GLIS3: variants seen among roughly 807,000 people sequenced by gnomAD.
The protein encoded by GLIS3 is GLIS family zinc finger 3, also known as zinc finger protein GLIS3.
GLIS3 carries 53 observed loss-of-function variants against 78.6 expected under a neutral mutation model. The ratio of observed to expected loss-of-function variants is 0.67; its 90% CI spans 0.54 to 0.85. The LOEUF (loss-of-function observed/expected upper bound fraction) is 0.85, where lower values mean the gene tolerates loss of function less well. Ranked by LOEUF, GLIS3 falls within the 40% of genes least tolerant of loss-of-function variation. GLIS3 has a pLI of 0.00. For missense variants in GLIS3, 1,703 were observed against 1,231.1 expected (o/e 1.38, Z -5.74); for synonymous variants, 684 against 509.9 (o/e 1.34, Z -4.60).
chr9:4,490,437 G>C, the GLIS3 span: 1 of 277,896 alleles, frequency 3.6e-6, no homozygotes, highest in Non-Finnish European at 6.6e-6. Flanking sequence ...AGAGCGCGGC[G>C]GCAGCAGGAG....
At chr9:4,278,442 C>A (rs1249527397) in intron 2 of GLIS3, among the ~76,000 whole-genome samples, 1 of 152,136 alleles carries the variant, frequency 6.6e-6, no homozygotes, top group African/African-American at 2.4e-5. Context: ...GTCATAAAGA[C>A]ACAAGAATTG....
rs369552895 is a variant in GLIS3, at chr9:3,828,267, A to G, written c.*5T>C. On this transcript the variant is annotated 3_prime_UTR_variant, in exon 11 of 11. Transcript: ENST00000381971. ...CTGGGTGTGCAGGAGTGGCCAAGAG[A>G]GCTTTTAGCCTTCGGTGTAGACAGA... The G allele has an allele frequency of 2.9e-5, 46 of 1,613,926 alleles. No homozygotes were observed. The African/African-American group carries it at 5.1e-4, about 18-fold the overall frequency.
At chr9:4,060,681 G>A (rs968886653) in intron 4 of GLIS3, among the ~76,000 whole-genome samples, 1 of 152,172 alleles carries the variant, frequency 6.6e-6, no homozygotes, top group Admixed American at 6.5e-5. Context: ...CCACCAACAA[G>A]AAGGCCTTCA....
At chr9:4,161,511 T>C (rs1030544798) in intron 2 of GLIS3, among the ~76,000 whole-genome samples, 10 of 152,096 alleles carry the variant, frequency 6.6e-5, no homozygotes, top group Admixed American at 3.9e-4. Context: ...TTAGTCAGTG[T>C]CTACTTGTCT....
chr9:3,962,153 G>C (rs1468677783), intron 4 of GLIS3, among the ~76,000 whole-genome samples: 1 of 152,154 alleles, frequency 6.6e-6, no homozygotes, highest in Non-Finnish European at 1.5e-5. Flanking sequence ...CCAGGAGTTT[G>C]GGGCTGCCGT....
chr9:4,432,521 G>A, the GLIS3 span, among the ~76,000 whole-genome samples: 1 of 151,894 alleles, frequency 6.6e-6, no homozygotes, highest in East Asian at 1.9e-4. Flanking sequence ...AAGTTCGGAT[G>A]TTCAGCAGCA....
At chr9:4,276,116 T>A (rs933916787) in intron 2 of GLIS3, among the ~76,000 whole-genome samples, 2 of 150,762 alleles carry the variant, frequency 1.3e-5, no homozygotes, top group East Asian at 2.0e-4. Flanking sequence ...AAACCCCATA[T>A]CTACAAAAGA....
the GLIS3 span, among the ~76,000 whole-genome samples, chr9:4,370,405 C>T: frequency 1.6e-4 from 25 of 152,024 alleles, no homozygotes; most frequent in Admixed American, 1.4e-3. Flanking sequence ...CCCAGTGTTG[C>T]GTGTTTCTTG....
the GLIS3 span, among the ~76,000 whole-genome samples, chr9:4,405,822 A>G: frequency 1.8e-4 from 28 of 152,308 alleles, no homozygotes; most frequent in East Asian, 3.3e-3. Context: ...AATCCTCAAC[A>G]AAATACTAGC....
chr9:3,879,437 C>T lies in GLIS3; in HGVS notation c.2287G>A (p.Gly763Arg), dbSNP rs368243649. The T allele has an allele frequency of 2.2e-5, 35 of 1,613,974 alleles. No individual in the cohort carries two copies. Among genetic ancestry groups the T allele is most frequent in the Admixed American group, 3.3e-5 (2 of 60,010 alleles). The change falls in exon 8 of 11, where the codon GGA becomes AGA. Residue 763 changes from glycine (G) to arginine (R), a missense_variant. Coordinates refer to ENST00000381971, the MANE Select transcript of GLIS3 (RefSeq NM_001042413.2). ...GACAGATGGCCTTACCTCTCAGCTCCTGCGTCCACAGCTGTGAGTGGAGGT... is the reference window on the plus strand; with the variant it reads ...GACAGATGGCCTTACCTCTCAGCTCTTGCGTCCACAGCTGTGAGTGGAGGT... ...QLPPLTAVDA[G>R]AERFAPSAPS...
intron 2 of GLIS3, among the ~76,000 whole-genome samples, chr9:4,252,999 G>A (rs569132962): frequency 4.6e-5 from 7 of 152,164 alleles, no homozygotes; most frequent in Non-Finnish European, 1.0e-4. Flanking sequence ...CATTCCAGGG[G>A]GGCACCTGCC....
intron 4 of GLIS3, among the ~76,000 whole-genome samples, chr9:4,007,493 T>C (rs369131608): frequency 3.3e-5 from 5 of 152,066 alleles, no homozygotes; most frequent in African/African-American, 4.8e-5. Flanking sequence ...TATCAATCTT[T>C]GCTAAAATGT....
the GLIS3 span, among the ~76,000 whole-genome samples, chr9:4,461,168 T>C: frequency 6.6e-6 from 1 of 152,230 alleles, no homozygotes; most frequent in African/African-American, 2.4e-5. Context: ...GAAAAGATGT[T>C]AAAGTTTTGA....
At chr9:3,963,514 C>G (rs1324898277) in intron 4 of GLIS3, among the ~76,000 whole-genome samples, 1 of 152,100 alleles carries the variant, frequency 6.6e-6, no homozygotes, top group East Asian at 1.9e-4. Context: ...CAAGTGGCTT[C>G]CCATCTCCCA....
At chr9:4,324,117 C>G (rs558910790) in intron 2 of GLIS3, among the ~76,000 whole-genome samples, 1 of 152,318 alleles carries the variant, frequency 6.6e-6, no homozygotes, top group Non-Finnish European at 1.5e-5. Flanking sequence ...AACTCCTGCA[C>G]ACATAACTCA....
intron 1 of GLIS3, among the ~76,000 whole-genome samples, chr9:4,296,915 A>G (rs1284077708): frequency 6.6e-6 from 1 of 151,682 alleles, no homozygotes; most frequent in Non-Finnish European, 1.5e-5. Context: ...AAAAAAAAAA[A>G]AAAAAAAAAA....
intron 8 of GLIS3, among the ~76,000 whole-genome samples, chr9:3,861,406 G>T (rs1013393402): frequency 6.6e-6 from 1 of 151,954 alleles, no homozygotes; most frequent in Non-Finnish European, 1.5e-5. Flanking sequence ...ATCCCATTAT[G>T]TACCCAAATC....
At chr9:3,996,923 A>T (rs1426944261) in intron 4 of GLIS3, among the ~76,000 whole-genome samples, 5 of 152,248 alleles carry the variant, frequency 3.3e-5, no homozygotes, top group Non-Finnish European at 7.3e-5. Flanking sequence ...ATGACAAATG[A>T]TAAGTGTCTA....
the GLIS3 span, among the ~76,000 whole-genome samples, chr9:4,367,764 G>T: frequency 6.6e-6 from 1 of 151,396 alleles, no homozygotes; most frequent in African/African-American, 2.4e-5. Context: ...TGAAGAAGTA[G>T]CAAATTCTAG....
Sources: allele counts gnomAD v4.1 joint callset (sites outside exome capture counted in the v4.1 genomes callset), GRCh38; gene constraint gnomAD v4.1.1; transcripts MANE v1.5; gene names NCBI Gene and HGNC (gene_info 2026-07-23, HGNC 2026-07-21).